Variants in SCHIP1 observed in about 807,000 individuals in gnomAD.
SCHIP1 encodes schwannomin-interacting protein 1.
A neutral mutation model predicts 29.7 loss-of-function variants in SCHIP1; 8 were observed. That is an observed-to-expected ratio of 0.27 (90% CI 0.16 to 0.49). The LOEUF (loss-of-function observed/expected upper bound fraction) is 0.49. SCHIP1 is among the 20% of genes least tolerant of loss of function. SCHIP1 has a pLI of 0.99. For missense variants in SCHIP1, 193 were observed against 294.6 expected (o/e 0.66, Z 2.52); for synonymous variants, 76 against 94.9 (o/e 0.80, Z 1.16).
the SCHIP1 span, among the ~76,000 whole-genome samples, chr3:159,378,628 A>G: frequency 7.2e-5 from 11 of 151,894 alleles, no homozygotes; most frequent in Admixed American, 3.3e-4. Context: ...CTCACACTTC[A>G]CTCTTTGAAC....
chr3:159,395,532 T>C, the SCHIP1 span, among the ~76,000 whole-genome samples: 2 of 151,920 alleles, frequency 1.3e-5, no homozygotes, highest in South Asian at 4.2e-4. Context: ...TTTGTTCTCG[T>C]TGGTTTCAAA....
the SCHIP1 span, among the ~76,000 whole-genome samples, chr3:159,817,087 A>AGATAAG: frequency 6.6e-6 from 1 of 152,140 alleles, no homozygotes; most frequent in Non-Finnish European, 1.5e-5. Context: ...GTATTCCTTG[A>AGATAAG]GCCTGTTACC....
chr3:159,852,155 C>G (rs1374925038), intron 1 of SCHIP1, among the ~76,000 whole-genome samples: 1 of 152,216 alleles, frequency 6.6e-6, no homozygotes, highest in African/African-American at 2.4e-5. Flanking sequence ...AGCAGCAGTT[C>G]AGATGCCAAA....
chr3:159,532,263 G>A, the SCHIP1 span, among the ~76,000 whole-genome samples: 5 of 151,912 alleles, frequency 3.3e-5, no homozygotes, highest in African/African-American at 1.2e-4. Flanking sequence ...ATATAAAAAT[G>A]GTAAACAATG....
the SCHIP1 span, among the ~76,000 whole-genome samples, chr3:159,352,345 G>A: frequency 5.3e-5 from 8 of 152,158 alleles, no homozygotes; most frequent in Non-Finnish European, 8.8e-5. Flanking sequence ...ATCCTCTTAC[G>A]TAGGTAGGTT....
the SCHIP1 span, chr3:159,308,992 C>A: frequency 2.0e-5 from 3 of 151,882 alleles, no homozygotes; most frequent in Admixed American, 2.0e-4. Context: ...AATATGGGAA[C>A]AATAGAGACT....
the SCHIP1 span, among the ~76,000 whole-genome samples, chr3:159,823,781 G>A: frequency 6.6e-6 from 1 of 152,124 alleles, no homozygotes; most frequent in Non-Finnish European, 1.5e-5. Flanking sequence ...GACCTCCGTA[G>A]GCTTTGAAAG....
intron 6 of SCHIP1, among the ~76,000 whole-genome samples, chr3:159,896,314 A>C (rs1469759408): frequency 1.3e-5 from 2 of 152,116 alleles, no homozygotes; most frequent in Non-Finnish European, 2.9e-5. Context: ...CTTATTTGCT[A>C]TTTATTCCTT....
chr3:159,705,386 A>T, the SCHIP1 span, among the ~76,000 whole-genome samples: 1 of 152,214 alleles, frequency 6.6e-6, no homozygotes, highest in African/African-American at 2.4e-5. Flanking sequence ...TAAATGGTAC[A>T]TGTTTGGCTC....
At chr3:159,436,148 A>G in the SCHIP1 span, among the ~76,000 whole-genome samples, 1 of 152,186 alleles carries the variant, frequency 6.6e-6, no homozygotes, top group Non-Finnish European at 1.5e-5. Context: ...TTTAATCAGC[A>G]TTGGTATCCA....
chr3:159,718,863 G>A, the SCHIP1 span, among the ~76,000 whole-genome samples: 66 of 152,040 alleles, frequency 4.3e-4, no homozygotes, highest in African/African-American at 1.3e-3. Flanking sequence ...GAATTTCTTC[G>A]CAGAATTGGA....
At chr3:159,302,346 T>C in the SCHIP1 span, among the ~76,000 whole-genome samples, 1 of 152,200 alleles carries the variant, frequency 6.6e-6, no homozygotes, top group African/African-American at 2.4e-5. Flanking sequence ...TGTAATCTAG[T>C]AGTTTTCTAA....
intron 2 of SCHIP1, among the ~76,000 whole-genome samples, chr3:159,885,673 T>C (rs1315214848): frequency 1.3e-5 from 2 of 152,228 alleles, no homozygotes; most frequent in Non-Finnish European, 2.9e-5. Context: ...CTTAATGATA[T>C]AAATGAGCTC....
the SCHIP1 span, among the ~76,000 whole-genome samples, chr3:159,785,777 G>C: frequency 6.6e-6 from 1 of 152,102 alleles, no homozygotes; most frequent in African/African-American, 2.4e-5. Context: ...AGAAGTTTTA[G>C]CAAAACATCC....
chr3:159,764,295 T>C, the SCHIP1 span: 1 of 909,002 alleles, frequency 1.1e-6, no homozygotes, highest in Non-Finnish European at 1.6e-6. The surrounding 1 kb of genome is among the most constrained non-coding windows in gnomAD (Gnocchi z 6.1). Flanking sequence ...AGGCTGGTGC[T>C]GGCTCCCGCC....
the SCHIP1 span, among the ~76,000 whole-genome samples, chr3:159,391,395 AT>A: frequency 3.3e-5 from 5 of 152,292 alleles, no homozygotes; most frequent in Admixed American, 3.3e-4. Context: ...AATATGATAT[AT>A]TCTCTAAGGA....
chr3:159,716,733 G>A, the SCHIP1 span, among the ~76,000 whole-genome samples: 12 of 152,188 alleles, frequency 7.9e-5, no homozygotes, highest in East Asian at 7.7e-4. Context: ...ACCCAGATTC[G>A]TAAAGCAAGA....
chr3:159,304,171 T>G, the SCHIP1 span, among the ~76,000 whole-genome samples: 1 of 152,188 alleles, frequency 6.6e-6, no homozygotes, highest in Non-Finnish European at 1.5e-5. Flanking sequence ...ACACCTAAAA[T>G]CATAGTGTAC....
At chr3:159,636,843 G>A in the SCHIP1 span, among the ~76,000 whole-genome samples, 1 of 152,178 alleles carries the variant, frequency 6.6e-6, no homozygotes, top group Admixed American at 6.5e-5. Flanking sequence ...TAAGATGATA[G>A]AAATAGACCA....
Sources: allele counts gnomAD v4.1 joint callset (sites outside exome capture counted in the v4.1 genomes callset), GRCh38; gene constraint gnomAD v4.1.1; non-coding constraint Gnocchi (gnomAD v3.1); transcripts MANE v1.5; gene names NCBI Gene and HGNC (gene_info 2026-07-23, HGNC 2026-07-21).